Variants in PRDM15 observed in about 807,000 individuals in gnomAD.
PRDM15 encodes the protein PR/SET domain 15.
In PRDM15, 64 loss-of-function variants were observed where a neutral mutation model predicts 128.6. That is an observed-to-expected ratio of 0.50 (90% CI 0.41 to 0.61). The LOEUF is 0.61. Among genes scored for constraint, PRDM15 ranks in the 20% least tolerant of loss-of-function variants. PRDM15 has a pLI of 0.00. For missense variants in PRDM15, 1,242 were observed against 1,569.1 expected (o/e 0.79, Z 3.52); for synonymous variants, 615 against 621.8 (o/e 0.99, Z 0.16).
chr21:41,816,144 G>A (rs2062043394), intron 18 of PRDM15, among the ~76,000 whole-genome samples: 3 of 152,226 alleles, frequency 2.0e-5, no homozygotes, highest in Non-Finnish European at 4.4e-5. Flanking sequence ...GCAACCCGGC[G>A]GGAGAATTCG....
intron 1 of PRDM15, among the ~76,000 whole-genome samples, chr21:41,876,095 C>T (rs930703850): frequency 4.6e-5 from 7 of 152,154 alleles, no homozygotes; most frequent in Admixed American, 3.9e-4. Context: ...GTAAAAAATG[C>T]GGTCCTATCA....
At position 41,801,024 on chromosome 21, in the gene PRDM15, T is replaced by A. The variant is rs1451400290; in HGVS notation, c.*216A>T. 7.1e-6 allele frequency: 4 copies of A among 561,530 alleles called. No homozygotes were observed. Among genetic ancestry groups the A allele is most frequent in the African/African-American group, 1.9e-5 (1 of 52,932 alleles). 34.8% of individuals were successfully genotyped at this position (561,530 alleles called of 1,614,324 possible). ...TGGTAAGGCATGGTGTGGAGCCCCA[T>A]CCAGTTTAAAACTCTGGCCTGCCAG... On this transcript the variant is annotated 3_prime_UTR_variant, in exon 24 of 24. Transcript: ENST00000398548.
At chr21:41,835,943 G>GCCCA (rs2062867274) in intron 10 of PRDM15, among the ~76,000 whole-genome samples, 170 bp downstream of exon 10, 6 of 97,016 alleles carry the variant, frequency 6.2e-5, no homozygotes, top group African/African-American at 2.7e-4. Context: ...GGGTTTGGCC[G>GCCCA]CTCTCCTCCC....
chr21:41,847,403 C>T (rs1208353781), intron 5 of PRDM15, among the ~76,000 whole-genome samples: 1 of 152,214 alleles, frequency 6.6e-6, no homozygotes, highest in Non-Finnish European at 1.5e-5. Context: ...CCCCTTTTCA[C>T]AGATGAGGCA....
chr21:41,841,874 G>T (rs2063083705), intron 6 of PRDM15, among the ~76,000 whole-genome samples: 1 of 152,120 alleles, frequency 6.6e-6, no homozygotes, highest in South Asian at 2.1e-4. Flanking sequence ...TCGTAGATCT[G>T]CCAATTTTTG....
At chr21:41,851,798 C>T (rs755137926) in intron 5 of PRDM15, among the ~76,000 whole-genome samples, 8 of 152,140 alleles carry the variant, frequency 5.3e-5, no homozygotes, top group South Asian at 4.1e-4. Flanking sequence ...ATGTTCACTA[C>T]CTCTCCAGAA....
chr21:41,837,778 GAGCTCCAGAACA>G (rs1201486779), intron 8 of PRDM15, among the ~76,000 whole-genome samples, 144 bp downstream of exon 8: 1 of 151,478 alleles, frequency 6.6e-6, no homozygotes, highest in Non-Finnish European at 1.5e-5. Context: ...GAACATTCCT[GAGCTCCAGAACA>G]TTCCTGCTGC....
At chr21:41,808,725 A>T (rs192216411) in intron 21 of PRDM15, among the ~76,000 whole-genome samples, 7 of 147,626 alleles carry the variant, frequency 4.7e-5, no homozygotes, top group Non-Finnish European at 9.2e-5. Flanking sequence ...GTATACACAC[A>T]TTATATATGT....
chr21:41,844,505 T>A (rs368849576), intron 6 of PRDM15, among the ~76,000 whole-genome samples: 1 of 21,024 alleles, frequency 4.8e-5, no homozygotes, highest in African/African-American at 2.1e-4. Context: ...CCCTCCCCCC[T>A]CACAGGGACA....
chr21:41,815,523 G>A (rs1601163242), intron 19 of PRDM15, among the ~76,000 whole-genome samples, 182 bp downstream of exon 19: 1 of 152,200 alleles, frequency 6.6e-6, no homozygotes, highest in African/African-American at 2.4e-5. Context: ...CCTGTGGGAG[G>A]GGGACCTTTT....
chr21:41,874,224 C>A (rs2064319433), intron 1 of PRDM15, among the ~76,000 whole-genome samples: 1 of 150,966 alleles, frequency 6.6e-6, no homozygotes, highest in African/African-American at 2.4e-5. Flanking sequence ...CCCTAGAGGG[C>A]TTGGATGGTG....
rs1474991760 is a variant in PRDM15 at position 41,800,910 on chromosome 21, C to T, written c.*330G>A. 26 of 288,650 alleles carry T rather than the reference C, an allele frequency of 9.0e-5. No homozygotes were observed. Among genetic ancestry groups the T allele is most frequent in the Non-Finnish European group, 8.3e-5 (13 of 156,362 alleles). 17.9% of individuals were successfully genotyped at this position (288,650 alleles called of 1,614,324 possible). A position where few individuals can be genotyped will look rare whatever the true frequency, so the allele number is the denominator to read the frequency against. On this transcript the variant is annotated 3_prime_UTR_variant, in exon 24 of 24. Transcript: ENST00000398548. ...CTGCCTCTTAAAATCCTGCTTCTCT[C>T]TCAGCTTCACTTTCCCGAACCCTGT...
chr21:41,837,619 A>T (rs1437311004), intron 8 of PRDM15, among the ~76,000 whole-genome samples: 1 of 152,194 alleles, frequency 6.6e-6, no homozygotes, highest in Admixed American at 6.5e-5. Flanking sequence ...GGGGGAGATG[A>T]TTGCCCAACA....
chr21:41,836,686 TG>T, intron 8 of PRDM15, 37 bp from the exon 9 acceptor site: 3 of 1,552,122 alleles, frequency 1.9e-6, no homozygotes, highest in Non-Finnish European at 2.6e-6. Context: ...AAAAGACAGG[TG>T]GGAAAAAAGT....
chr21:41,875,862 C>A (rs1233693165), intron 1 of PRDM15, among the ~76,000 whole-genome samples: 1 of 152,138 alleles, frequency 6.6e-6, no homozygotes, highest in Non-Finnish European at 1.5e-5. Flanking sequence ...AGCTTCCTGA[C>A]AGGATTCTGA....
At position 41,874,345 on chromosome 21, in the gene PRDM15, C is replaced by A. The variant is rs149711564; in HGVS notation, c.-10+4925G>T. ...GCTGGGGGATAGGGACCCAGGGAGA[C>A]AAGAGGCATCCAGATGACAGGACCA... On this transcript the variant is annotated intron_variant, in intron 1 of 23. Transcript: ENST00000398548. 6.6e-5 allele frequency among the ~76,000 whole-genome samples: 10 copies of A among 151,806 alleles called. No homozygotes were observed. In the East Asian group the frequency reaches 1.9e-3, roughly 29 times the overall value.
chr21:41,869,720 C>T (rs1305458537), intron 1 of PRDM15, among the ~76,000 whole-genome samples: 3 of 152,234 alleles, frequency 2.0e-5, no homozygotes, highest in Admixed American at 6.5e-5. Context: ...GCTGGGATTA[C>T]AGGCGTGAGC....
chr21:41,835,359 A>G, intron 11 of PRDM15, 78 bp downstream of exon 11: 1 of 1,186,428 alleles, frequency 8.4e-7, no homozygotes, highest in Non-Finnish European at 1.2e-6. Context: ...ACTTTGGCCT[A>G]AAGTTCCACG....
rs764127461 is a variant in PRDM15, at chr21:41,810,131, A to AG, written c.2652+22dup. The AG allele has an allele frequency of 5.2e-4, 825 of 1,590,942 alleles. 4 individuals carry two copies. The highest frequency in any genetic ancestry group is 1.4e-3 in the Middle Eastern group (8 of 5,778). ...TGCGCGGCCCGCTGGCGGGGCACGG[A>AG]GGGGGCACAGCCACCAGCTCACCTC... is the stretch of plus-strand genomic sequence containing the variant. On this transcript the variant is annotated intron_variant, in intron 21 of 23. Coordinates refer to ENST00000398548, the MANE Select transcript of PRDM15 (RefSeq NM_001040424.3). This position sits in a 1 kb window ranked among gnomAD's most constrained non-coding sequence, Gnocchi z 6.4.
Sources: allele counts gnomAD v4.1 joint callset (sites outside exome capture counted in the v4.1 genomes callset), GRCh38; gene constraint gnomAD v4.1.1; non-coding constraint Gnocchi (gnomAD v3.1); transcripts MANE v1.5; gene names NCBI Gene and HGNC (gene_info 2026-07-23, HGNC 2026-07-21).